GLIPR2: variants seen among roughly 807,000 people sequenced by gnomAD.
The protein encoded by GLIPR2 is Golgi-associated plant pathogenesis-related protein 1.
A neutral mutation model predicts 20.4 loss-of-function variants in GLIPR2; 21 were observed. That is an observed-to-expected ratio of 1.03 (90% CI 0.73 to 1.48). The LOEUF is 1.48. Ranked by LOEUF, GLIPR2 falls within the 40% of genes most tolerant of loss-of-function variation. The pLI, the probability that GLIPR2 is intolerant of heterozygous loss-of-function variation, is 0.00. For missense variants in GLIPR2, 205 were observed against 200.1 expected (o/e 1.02, Z -0.15); for synonymous variants, 91 against 80.5 (o/e 1.13, Z -0.70).
In GLIPR2 at chr9:36,136,903, G is replaced by T. The variant is rs1267654868; in HGVS notation, c.13+112G>T. On this transcript the variant is annotated intron_variant, in intron 1 of 4. Coordinates refer to ENST00000377960, the MANE Select transcript of GLIPR2 (RefSeq NM_022343.4). The surrounding 1 kb of genome is among the most constrained non-coding windows in gnomAD (Gnocchi z 4.3). ...GTCCTGGGGAGTGCGGGAGCCCGGG[G>T]TGCGGGTGGAGGGCGCGCGGGCGGA... 2.8e-5 allele frequency: 33 copies of T among 1,189,732 alleles called. No individual in the cohort carries two copies. The African/African-American group carries it at 3.2e-4, about 11-fold the overall frequency. The allele number at this position is 1,189,732 out of a possible 1,614,324, so 73.7% of individuals were successfully genotyped here.
upstream of GLIPR2, chr9:36,136,709 G>A (rs1824830559): frequency 1.4e-5 from 15 of 1,109,944 alleles, no homozygotes; most frequent in Non-Finnish European, 1.7e-5. This position sits in a 1 kb window ranked among gnomAD's most constrained non-coding sequence, Gnocchi z 4.3. Context: ...CCTGGGCTCT[G>A]GGGCGGCGCT....
rs201367015 is a variant in GLIPR2, at chr9:36,162,556, A to G, written c.*34A>G. On this transcript the variant is annotated 3_prime_UTR_variant, in exon 5 of 5. Coordinates refer to ENST00000377960, the MANE Select transcript of GLIPR2 (RefSeq NM_022343.4). ...ATGTAATGGGAAGGTGGCAGACTTA[A>G]GAACGTGGATATGAAGTGCCTAGAA... 1,642 of 1,609,374 alleles carry G rather than the reference A, an allele frequency of 1.0e-3. 3 individuals carry two copies. The highest frequency in any genetic ancestry group is 9.5e-4 in the Non-Finnish European group (1,118 of 1,177,238).
In GLIPR2 at chr9:36,162,451, A is replaced by G; in HGVS notation, c.394A>G (p.Arg132Gly). 1 of 1,614,180 alleles carries G rather than the reference A, an allele frequency of 6.2e-7. No individual in the cohort carries two copies. Among genetic ancestry groups the G allele is most frequent in the Non-Finnish European group, 8.5e-7 (1 of 1,180,020 alleles). ...ASDGSSFVVA[R>G]YFPAGNVVNE... is the part of the protein sequence containing the mutation. ...TGACGGGTCCTCCTTTGTGGTGGCC[A>G]GATACTTCCCAGCGGGGAATGTTGT... is the stretch of plus-strand genomic sequence containing the variant. Residue 132 changes from arginine to glycine, a missense_variant, in exon 5 of 5, where the codon AGA becomes GGA. Coordinates refer to ENST00000377960, the MANE Select transcript of GLIPR2 (RefSeq NM_022343.4).
chr9:36,148,759 G>A, intron 3 of GLIPR2, 109 bp downstream of exon 3: 1 of 713,888 alleles, frequency 1.4e-6, no homozygotes, highest in Admixed American at 2.3e-5. Context: ...CACAGGCCCA[G>A]GAAAGGAAAG....
chr9:36,144,385 C>T (rs555230194), intron 1 of GLIPR2: 8 of 152,318 alleles, frequency 5.3e-5, no homozygotes, highest in Admixed American at 5.2e-4. Context: ...TGCAACAGAG[C>T]TCCACAACTT....
chr9:36,157,805 G>GTT (rs1334242329), intron 4 of GLIPR2, among the ~76,000 whole-genome samples: 1 of 141,376 alleles, frequency 7.1e-6, no homozygotes, highest in Non-Finnish European at 1.6e-5. Flanking sequence ...GTCTTTGTGG[G>GTT]TTTTTTTTTT....
At chr9:36,154,066 A>C in intron 4 of GLIPR2, among the ~76,000 whole-genome samples, 1 of 127,350 alleles carries the variant, frequency 7.9e-6, no homozygotes. Flanking sequence ...TATATATTAT[A>C]TATTATATAT....
intron 4 of GLIPR2, among the ~76,000 whole-genome samples, chr9:36,156,890 C>T (rs1316278279): frequency 6.6e-6 from 1 of 152,200 alleles, no homozygotes; most frequent in Non-Finnish European, 1.5e-5. Flanking sequence ...TTCTAGCTAC[C>T]TCATATAAAT....
chr9:36,146,684 T>C (rs1185623465), intron 1 of GLIPR2, among the ~76,000 whole-genome samples: 1 of 152,226 alleles, frequency 6.6e-6, no homozygotes, highest in Non-Finnish European at 1.5e-5. Flanking sequence ...CCCAAGTAAG[T>C]GCACAACCCA....
chr9:36,138,495 T>C (rs1469835723), intron 1 of GLIPR2, among the ~76,000 whole-genome samples: 17 of 152,278 alleles, frequency 1.1e-4, no homozygotes, highest in Non-Finnish European at 4.4e-5. Flanking sequence ...AGTGCTAGGA[T>C]TACAGGTGCG....
chr9:36,138,670 A>G (rs996981394), intron 1 of GLIPR2, among the ~76,000 whole-genome samples: 8 of 152,168 alleles, frequency 5.3e-5, no homozygotes, highest in Non-Finnish European at 8.8e-5. Context: ...CTGTGGACCC[A>G]GTGCCGGGGC....
Position 36,139,712 on chromosome 9 carries a change from G to A in GLIPR2, c.13+2921G>A, listed in dbSNP as rs140253560. Among the ~76,000 whole-genome samples the A allele has an allele frequency of 1.0e-3, 154 of 152,302 alleles. 1 individual carries two copies. Among genetic ancestry groups the A allele is most frequent in the East Asian group, 5.4e-3 (28 of 5,178 alleles). On this transcript the variant is annotated intron_variant, in intron 1 of 4. Coordinates refer to ENST00000377960, the MANE Select transcript of GLIPR2 (RefSeq NM_022343.4). ...TCTTTAACCTCAGATACACCCCAGA[G>A]CTGCTTGGCATAACAGGCGTTATTG...
rs1354778005 is a variant in GLIPR2, at chr9:36,163,112, T to A, written c.*590T>A. ...ATGTCATCCTGCATGCCTCCTGGAA[T>A]TCTCCAATGGGGTCGCCAAACAACA... is the stretch of plus-strand genomic sequence containing the variant. On this transcript the variant is annotated 3_prime_UTR_variant, in exon 5 of 5. Transcript: ENST00000377960. 1 of 291,194 alleles carries A rather than the reference T, an allele frequency of 3.4e-6. No homozygotes were observed. Among genetic ancestry groups the A allele is most frequent in the Non-Finnish European group, 6.7e-6 (1 of 148,610 alleles). 18.0% of individuals were successfully genotyped at this position (291,194 alleles called of 1,614,324 possible).
At chr9:36,150,196 T>C (rs1200883836) in intron 3 of GLIPR2, among the ~76,000 whole-genome samples, 1 of 152,178 alleles carries the variant, frequency 6.6e-6, no homozygotes, top group Non-Finnish European at 1.5e-5. Flanking sequence ...GAAGCAGAAA[T>C]GCAGAATCCT....
At chr9:36,148,170 C>A (rs1215458468) in intron 2 of GLIPR2, among the ~76,000 whole-genome samples, 21 of 152,086 alleles carry the variant, frequency 1.4e-4, no homozygotes, top group Non-Finnish European at 3.1e-4. Flanking sequence ...ATTGCTTGAA[C>A]CCGGGAGGTG....
At chr9:36,145,104 C>T (rs1344399784) in intron 1 of GLIPR2, 1 of 152,282 alleles carries the variant, frequency 6.6e-6, no homozygotes, top group Non-Finnish European at 1.5e-5. Flanking sequence ...CCTGCCACTA[C>T]CCACAGCCAG....
Position 36,136,922 on chromosome 9 carries a change from G to A in GLIPR2, c.13+131G>A, listed in dbSNP as rs1011823618. 1 of 1,076,210 alleles carries A rather than the reference G, an allele frequency of 9.3e-7. No homozygotes were observed. Among genetic ancestry groups the A allele is most frequent in the South Asian group, 4.6e-5 (1 of 21,726 alleles). 66.7% of individuals were successfully genotyped at this position (1,076,210 alleles called of 1,614,324 possible). ...CCCGGGGTGCGGGTGGAGGGCGCGCGGGCGGAGCGCCCCGGCGCGGTTTCC... is the reference window on the plus strand; with the variant it reads ...CCCGGGGTGCGGGTGGAGGGCGCGCAGGCGGAGCGCCCCGGCGCGGTTTCC... On this transcript the variant is annotated intron_variant, in intron 1 of 4. Coordinates refer to ENST00000377960, the MANE Select transcript of GLIPR2 (RefSeq NM_022343.4). The surrounding 1 kb of genome is among the most constrained non-coding windows in gnomAD (Gnocchi z 4.3).
Position 36,162,581 on chromosome 9 carries a change from A to AC in GLIPR2, c.*61dup. On this transcript the variant is annotated 3_prime_UTR_variant, in exon 5 of 5. Transcript: ENST00000377960. ...AGAACGTGGATATGAAGTGCCTAGA[A>AC]CCACCACAACCTGGCTGTGCGTCTG... 6.5e-7 allele frequency: 1 copy of AC among 1,538,278 alleles called. No homozygotes were observed. The highest frequency in any genetic ancestry group is 1.1e-5 in the South Asian group (1 of 87,550).
chr9:36,156,829 G>A (rs1212603591), intron 4 of GLIPR2, among the ~76,000 whole-genome samples: 1 of 152,126 alleles, frequency 6.6e-6, no homozygotes, highest in Non-Finnish European at 1.5e-5. Context: ...GTTTCATCCT[G>A]AAACCATCTC....
Sources: gnomAD v4.1 joint callset for allele counts (sites outside exome capture counted in the v4.1 genomes callset) on GRCh38, gnomAD v4.1.1 for gene constraint, Gnocchi (gnomAD v3.1) non-coding constraint, MANE v1.5 for transcripts, NCBI Gene and HGNC (gene_info 2026-07-23, HGNC 2026-07-21) for gene names.